Variants in MAPK4 observed in about 807,000 individuals in gnomAD.
MAPK4 encodes Erk3-related.
Under a neutral mutation model 47.7 loss-of-function variants are expected in MAPK4, and 22 were observed. That is an observed-to-expected ratio of 0.46 (90% CI 0.33 to 0.66). The LOEUF is 0.66. Ranked by LOEUF, MAPK4 falls within the 30% of genes least tolerant of loss-of-function variation. MAPK4 has a pLI of 0.02. For synonymous variants in MAPK4, 390 were observed against 365.7 expected (o/e 1.07, Z -0.76); for missense variants, 736 against 831.7 (o/e 0.88, Z 1.42).
chr18:50,625,628 T>G (rs1042510900), intron 1 of MAPK4, among the ~76,000 whole-genome samples: 14 of 152,094 alleles, frequency 9.2e-5, no homozygotes, highest in Admixed American at 7.9e-4. Context: ...CAAAACAAAG[T>G]ATAAGGTCTG....
At chr18:50,684,795 G>A (rs1260516666) in intron 2 of MAPK4, among the ~76,000 whole-genome samples, 1 of 152,090 alleles carries the variant, frequency 6.6e-6, no homozygotes, top group Non-Finnish European at 1.5e-5. Flanking sequence ...TCTCCAGAAG[G>A]CATCAGTGGG....
At chr18:50,686,946 T>C (rs1908914439) in intron 2 of MAPK4, among the ~76,000 whole-genome samples, 1 of 152,176 alleles carries the variant, frequency 6.6e-6, no homozygotes, top group African/African-American at 2.4e-5. Context: ...CGGCCAAGGA[T>C]TGTGTGTGTG....
intron 3 of MAPK4, 127 bp downstream of exon 3, chr18:50,715,350 A>G (rs1910585490): frequency 8.5e-7 from 1 of 1,175,322 alleles, no homozygotes; most frequent in Non-Finnish European, 1.2e-6. Flanking sequence ...TGTGGCTTTT[A>G]TGACACTATT....
At chr18:50,708,164 G>T (rs549491649) in intron 2 of MAPK4, among the ~76,000 whole-genome samples, 1 of 151,228 alleles carries the variant, frequency 6.6e-6, no homozygotes, top group Non-Finnish European at 1.5e-5. Context: ...CTATTTGGCT[G>T]TGGTATTATT....
intron 2 of MAPK4, among the ~76,000 whole-genome samples, chr18:50,688,749 G>T (rs941758408): frequency 6.6e-6 from 1 of 152,004 alleles, no homozygotes; most frequent in Non-Finnish European, 1.5e-5. Flanking sequence ...AGGGTGGGAG[G>T]GGGGTGAGGG....
intron 1 of MAPK4, among the ~76,000 whole-genome samples, chr18:50,589,814 G>C (rs954916006): frequency 6.6e-6 from 1 of 152,150 alleles, no homozygotes; most frequent in Admixed American, 6.5e-5. Context: ...GAGAGAATTG[G>C]GTACAAGAGT....
intron 1 of MAPK4, among the ~76,000 whole-genome samples, chr18:50,645,854 T>C (rs1449148570): frequency 1.3e-5 from 2 of 152,240 alleles, no homozygotes; most frequent in African/African-American, 2.4e-5. Context: ...CCTTAACCAG[T>C]GCATACCTCA....
chr18:50,567,731 TG>T (rs1393946610), intron 1 of MAPK4, among the ~76,000 whole-genome samples: 11 of 37,014 alleles, frequency 3.0e-4, no homozygotes, highest in African/African-American at 2.9e-3. Flanking sequence ...TATAGGACTT[TG>T]TGTGTGTGTG....
intron 1 of MAPK4, among the ~76,000 whole-genome samples, chr18:50,571,679 A>G (rs1044886406): frequency 9.9e-5 from 15 of 152,200 alleles, no homozygotes; most frequent in African/African-American, 2.9e-4. Flanking sequence ...TCTTTTGTCA[A>G]ATTTTCCATT....
intron 1 of MAPK4, among the ~76,000 whole-genome samples, chr18:50,642,115 T>C (rs530207666): frequency 6.6e-6 from 1 of 152,358 alleles, no homozygotes; most frequent in South Asian, 2.1e-4. Context: ...TTAAAATAAG[T>C]CAATGATAAC....
chr18:50,567,155 T>C (rs2042205819), intron 1 of MAPK4, among the ~76,000 whole-genome samples: 1 of 152,050 alleles, frequency 6.6e-6, no homozygotes, highest in Non-Finnish European at 1.5e-5. Flanking sequence ...GTTTGTTACA[T>C]AGGTATACAC....
intron 1 of MAPK4, among the ~76,000 whole-genome samples, chr18:50,648,241 A>G (rs2043010006): frequency 6.6e-6 from 1 of 152,116 alleles, no homozygotes; most frequent in African/African-American, 2.4e-5. Context: ...GGGTTGCTCC[A>G]GGCAAACAGA....
At chr18:50,588,237 T>A (rs1417627514) in intron 1 of MAPK4, among the ~76,000 whole-genome samples, 1 of 152,222 alleles carries the variant, frequency 6.6e-6, no homozygotes, top group East Asian at 1.9e-4. Flanking sequence ...CTCATTTGGC[T>A]GCTGTCAGCT....
At chr18:50,693,778 A>T (rs943589000) in intron 2 of MAPK4, among the ~76,000 whole-genome samples, 1 of 152,086 alleles carries the variant, frequency 6.6e-6, no homozygotes, top group African/African-American at 2.4e-5. Flanking sequence ...GTATTATTTT[A>T]TAGAGAGAAA....
rs114912778 is a variant in MAPK4 at position 50,583,620 on chromosome 18, A to G, written c.-871+23377A>G. On this transcript the variant is annotated intron_variant, in intron 1 of 5. Transcript: ENST00000400384. ...ACAAAAAACAGGAAACAAGGAACCA[A>G]TTGATAGAGAGGGAGGGTAAGATGG... Among the ~76,000 whole-genome samples the G allele has an allele frequency of 4.5e-3, 679 of 152,318 alleles. 4 individuals are homozygous for G. Among genetic ancestry groups the G allele is most frequent in the African/African-American group, 0.015 (644 of 41,564 alleles).
intron 1 of MAPK4, among the ~76,000 whole-genome samples, chr18:50,639,606 T>C (rs1330103607): frequency 1.3e-5 from 2 of 152,244 alleles, no homozygotes; most frequent in Non-Finnish European, 2.9e-5. Flanking sequence ...TCTAGTCTTT[T>C]TGCCATACAA....
chr18:50,619,939 A>T (rs2042717226), intron 1 of MAPK4, among the ~76,000 whole-genome samples: 1 of 152,206 alleles, frequency 6.6e-6, no homozygotes, highest in South Asian at 2.1e-4. Context: ...TGCTGGACTG[A>T]GTTACAGAGC....
chr18:50,580,300 C>T (rs1275959781), intron 1 of MAPK4, among the ~76,000 whole-genome samples: 1 of 152,182 alleles, frequency 6.6e-6, no homozygotes, highest in Non-Finnish European at 1.5e-5. Context: ...CTTTGCTGCT[C>T]AAAACCAACA....
chr18:50,596,087 G>A (rs752594099), intron 1 of MAPK4, among the ~76,000 whole-genome samples: 3 of 152,138 alleles, frequency 2.0e-5, no homozygotes, highest in African/African-American at 4.8e-5. Context: ...AGTACTCAGC[G>A]CTGGGAGCTT....
Sources: gnomAD v4.1 joint callset for allele counts (sites outside exome capture counted in the v4.1 genomes callset) on GRCh38, gnomAD v4.1.1 for gene constraint, MANE v1.5 for transcripts, NCBI Gene and HGNC (gene_info 2026-07-23, HGNC 2026-07-21) for gene names.